KCNMB2: variants seen among roughly 807,000 people sequenced by gnomAD.
KCNMB2 encodes the protein calcium-activated potassium channel subunit beta-2.
KCNMB2 carries 9 observed loss-of-function variants against 24.5 expected under a neutral mutation model. That is an observed-to-expected ratio of 0.37 (90% CI 0.22 to 0.64). The LOEUF (loss-of-function observed/expected upper bound fraction) is 0.64. Ranked by LOEUF, KCNMB2 falls within the 30% of genes least tolerant of loss-of-function variation. The pLI is 0.63. For missense variants in KCNMB2, 226 were observed against 284.3 expected (o/e 0.79, Z 1.47); for synonymous variants, 109 against 104.4 (o/e 1.04, Z -0.27).
At chr3:178,646,491 T>C (rs1205816897) in intron 1 of KCNMB2, among the ~76,000 whole-genome samples, 2 of 152,184 alleles carry the variant, frequency 1.3e-5, no homozygotes, top group Non-Finnish European at 2.9e-5. Flanking sequence ...TCTGTTTCTC[T>C]GACTTATAGG....
chr3:178,689,358 G>A (rs112504494), intron 1 of KCNMB2, among the ~76,000 whole-genome samples: 11,460 of 152,128 alleles, frequency 0.075, 573 homozygotes, highest in Middle Eastern at 0.22. Context: ...GTTATAAGCC[G>A]GGCACAGTGG....
At chr3:178,692,696 C>A (rs13062569) in intron 1 of KCNMB2, among the ~76,000 whole-genome samples, 1 of 151,898 alleles carries the variant, frequency 6.6e-6, no homozygotes, top group Admixed American at 6.6e-5. Context: ...TGGCTTTATA[C>A]CTTTTGCTTA....
intron 1 of KCNMB2, among the ~76,000 whole-genome samples, chr3:178,730,687 C>T (rs957213196): frequency 5.9e-5 from 9 of 152,140 alleles, no homozygotes; most frequent in Admixed American, 5.2e-4. Context: ...GGTACCATTC[C>T]TTCCTGTCCA....
chr3:178,560,823 C>T (rs916342135), intron 1 of KCNMB2, among the ~76,000 whole-genome samples: 16 of 152,292 alleles, frequency 1.1e-4, no homozygotes, highest in African/African-American at 3.8e-4. Context: ...CAGATGTGGA[C>T]ACTAAGGCTT....
intron 1 of KCNMB2, among the ~76,000 whole-genome samples, chr3:178,777,661 T>G (rs1163903400): frequency 6.6e-6 from 1 of 152,178 alleles, no homozygotes; most frequent in African/African-American, 2.4e-5. Context: ...AACCAATAGC[T>G]GGATAACTCT....
chr3:178,638,757 A>G (rs1240127218), intron 1 of KCNMB2, among the ~76,000 whole-genome samples: 1 of 152,212 alleles, frequency 6.6e-6, no homozygotes, highest in Non-Finnish European at 1.5e-5. Context: ...CTTAGATAGT[A>G]GAAAGAACAT....
At chr3:178,820,003 T>C (rs867605966) in intron 2 of KCNMB2, among the ~76,000 whole-genome samples, 1 of 152,288 alleles carries the variant, frequency 6.6e-6, no homozygotes, top group Middle Eastern at 3.4e-3. Context: ...GATCCTAAAA[T>C]ACCACTAAGA....
At chr3:178,545,900 C>A (rs1296430890) in intron 1 of KCNMB2, among the ~76,000 whole-genome samples, 1 of 152,174 alleles carries the variant, frequency 6.6e-6, no homozygotes, top group Non-Finnish European at 1.5e-5. Flanking sequence ...GGTCCCATTT[C>A]TCCCTCTCTG....
chr3:178,558,114 C>A (rs1314766728), intron 1 of KCNMB2, among the ~76,000 whole-genome samples: 1 of 152,148 alleles, frequency 6.6e-6, no homozygotes, highest in African/African-American at 2.4e-5. Flanking sequence ...ATTATGTGAA[C>A]CAGATTGAAT....
chr3:178,774,190 T>C lies in KCNMB2; in HGVS notation c.-67-33153T>C, dbSNP rs550254977. Reference sequence around the variant, plus strand: ...TCCTCATAAAGACTCCACATCTTAATACTATCACGCTGGTAAGTAAGTTTT... The same window carrying C: ...TCCTCATAAAGACTCCACATCTTAACACTATCACGCTGGTAAGTAAGTTTT... On this transcript the variant is annotated intron_variant, in intron 1 of 4. Transcript: ENST00000452583. Among the ~76,000 whole-genome samples the C allele has an allele frequency of 7.9e-5, 12 of 152,272 alleles. No homozygotes were observed. In the South Asian group the frequency reaches 2.1e-3, roughly 26 times the overall value.
intron 4 of KCNMB2, among the ~76,000 whole-genome samples, chr3:178,840,028 T>C (rs1304345746): frequency 6.6e-6 from 1 of 152,114 alleles, no homozygotes; most frequent in East Asian, 1.9e-4. Context: ...TATAAGCCTG[T>C]AAAATCAAAA....
chr3:178,577,263 C>G (rs1054207006), intron 1 of KCNMB2, among the ~76,000 whole-genome samples: 2 of 152,164 alleles, frequency 1.3e-5, no homozygotes, highest in East Asian at 1.9e-4. Context: ...TACAGTAGAC[C>G]TGCAGAAGAG....
chr3:178,576,986 A>G lies in KCNMB2; in HGVS notation c.-68+40275A>G, dbSNP rs546588691. Among the ~76,000 whole-genome samples the G allele has an allele frequency of 1.5e-3, 228 of 152,286 alleles. 1 individual carries two copies. Among genetic ancestry groups the G allele is most frequent in the African/African-American group, 5.3e-3 (222 of 41,568 alleles). ...GGAGGATCTCCCAGCTCAGTGCTCG[A>G]GCTCTGCTAAGGGACAGACTGCCTC... is the stretch of plus-strand genomic sequence containing the variant. On this transcript the variant is annotated intron_variant, in intron 1 of 4. Transcript: ENST00000452583.
At chr3:178,692,067 A>G (rs1394691830) in intron 1 of KCNMB2, among the ~76,000 whole-genome samples, 1 of 151,360 alleles carries the variant, frequency 6.6e-6, no homozygotes, top group Non-Finnish European at 1.5e-5. Flanking sequence ...AAAACTGTCT[A>G]TGTCTGCCCA....
intron 1 of KCNMB2, among the ~76,000 whole-genome samples, chr3:178,707,026 C>G (rs1385276296): frequency 6.6e-6 from 1 of 151,978 alleles, no homozygotes; most frequent in African/African-American, 2.4e-5. Context: ...TATACATATA[C>G]AGCAAAAAGA....
At chr3:178,839,117 A>G (rs1715337018) in intron 4 of KCNMB2, among the ~76,000 whole-genome samples, 1 of 152,078 alleles carries the variant, frequency 6.6e-6, no homozygotes, top group Non-Finnish European at 1.5e-5. Context: ...TCTTACCAAT[A>G]GAGAAGAGAG....
intron 1 of KCNMB2, among the ~76,000 whole-genome samples, chr3:178,691,697 G>A (rs1193595328): frequency 1.3e-5 from 2 of 152,116 alleles, no homozygotes; most frequent in Non-Finnish European, 2.9e-5. Context: ...CTGCTATTGT[G>A]AATAGTGCTG....
chr3:178,549,742 A>G (rs1040868481), intron 1 of KCNMB2, among the ~76,000 whole-genome samples: 1 of 151,928 alleles, frequency 6.6e-6, no homozygotes, highest in Non-Finnish European at 1.5e-5. Flanking sequence ...AAGTAACAAC[A>G]CTCATTGTCT....
chr3:178,598,238 G>A (rs959971708), intron 1 of KCNMB2, among the ~76,000 whole-genome samples: 2 of 152,058 alleles, frequency 1.3e-5, no homozygotes, highest in Non-Finnish European at 2.9e-5. Context: ...ATGAGCTTGG[G>A]ATTTGTAGAG....
Sources: allele counts gnomAD v4.1 joint callset (sites outside exome capture counted in the v4.1 genomes callset), GRCh38; gene constraint gnomAD v4.1.1; transcripts MANE v1.5; gene names NCBI Gene and HGNC (gene_info 2026-07-23, HGNC 2026-07-21).